LTBP1: variants seen among roughly 807,000 people sequenced by gnomAD.
The protein encoded by LTBP1 is latent transforming growth factor beta binding protein 1.
LTBP1 carries 129 observed loss-of-function variants against 207.6 expected under a neutral mutation model. The ratio of observed to expected loss-of-function variants is 0.62; its 90% confidence interval spans 0.54 to 0.72. The LOEUF is 0.72. Ranked by LOEUF, LTBP1 falls within the 30% of genes least tolerant of loss-of-function variation. The probability of loss-of-function intolerance (pLI) is 0.00; values close to 1 mark genes in which losing one functional copy is unlikely to be tolerated. For missense variants in LTBP1, 2,281 were observed against 2,217.2 expected (o/e 1.03, Z -0.58); for synonymous variants, 963 against 833.7 (o/e 1.16, Z -2.67).
At chr2:33,157,090 AT>A (rs1458012807) in intron 5 of LTBP1, among the ~76,000 whole-genome samples, 9 of 152,270 alleles carry the variant, frequency 5.9e-5, no homozygotes, top group African/African-American at 1.9e-4. Flanking sequence ...GGCAGACATA[AT>A]TTTCCCCCTT....
intron 2 of LTBP1, among the ~76,000 whole-genome samples, chr2:32,997,154 G>A (rs530503221): frequency 3.3e-5 from 5 of 152,182 alleles, no homozygotes; most frequent in Admixed American, 3.3e-4. Context: ...CAAGGTGCTG[G>A]GATTACAGGT....
At chr2:33,307,053 C>T (rs1192768850) in intron 22 of LTBP1, among the ~76,000 whole-genome samples, 1 of 152,056 alleles carries the variant, frequency 6.6e-6, no homozygotes, top group Non-Finnish European at 1.5e-5. Flanking sequence ...CACCGCTGCA[C>T]TCCAGCCTGG....
intron 2 of LTBP1, among the ~76,000 whole-genome samples, chr2:32,980,515 T>C (rs1339109023): frequency 6.6e-6 from 1 of 152,180 alleles, no homozygotes; most frequent in Admixed American, 6.5e-5. Flanking sequence ...TTTTTAACTT[T>C]TTGTAGTTTC....
rs750719026 is a variant in LTBP1 at position 33,257,333 on chromosome 2, C to T, written c.2217C>T (p.Gly739=). Residue 739 remains glycine, a synonymous_variant, in exon 12 of 34, where the codon GGC becomes GGT. Transcript: ENST00000404816. ...CPGGMGYTVS[G]VHRRRPIHHH... ...GTGGAATGGGTTATACGGTTTCTGGCGTTCATAGACGCAGGCCAATCCATC... is the reference window on the plus strand; with the variant it reads ...GTGGAATGGGTTATACGGTTTCTGGTGTTCATAGACGCAGGCCAATCCATC... 46 of 1,614,044 alleles carry T rather than the reference C, an allele frequency of 2.8e-5. No individual in the cohort carries two copies. Among genetic ancestry groups the T allele is most frequent in the South Asian group, 1.6e-4 (15 of 91,082 alleles).
At chr2:33,030,682 T>C (rs2075652185) in intron 3 of LTBP1, among the ~76,000 whole-genome samples, 1 of 152,232 alleles carries the variant, frequency 6.6e-6, no homozygotes, top group South Asian at 2.1e-4. Context: ...TTAGTGACTT[T>C]TATGTGAAAG....
chr2:33,046,953 G>A (rs538053213), intron 3 of LTBP1, among the ~76,000 whole-genome samples: 1 of 151,984 alleles, frequency 6.6e-6, no homozygotes, highest in Non-Finnish European at 1.5e-5. Flanking sequence ...GGGATCATTG[G>A]TGATATCCCT....
At chr2:33,352,622 A>G (rs1404109230) in intron 26 of LTBP1, among the ~76,000 whole-genome samples, 1 of 152,120 alleles carries the variant, frequency 6.6e-6, no homozygotes, top group Non-Finnish European at 1.5e-5. Context: ...TACCTGGATC[A>G]TTGCAGTAGC....
intron 3 of LTBP1, among the ~76,000 whole-genome samples, chr2:33,022,936 A>G (rs559677435): frequency 4.5e-4 from 69 of 152,272 alleles, no homozygotes; most frequent in African/African-American, 1.4e-3. Flanking sequence ...CATAAAAGTT[A>G]TCCTTAACTT....
intron 3 of LTBP1, among the ~76,000 whole-genome samples, chr2:33,043,084 A>C (rs529415499): frequency 6.6e-6 from 1 of 152,318 alleles, no homozygotes; most frequent in Admixed American, 6.5e-5. Context: ...TATAATCCCC[A>C]AACGGCTGTG....
At chr2:33,393,234 C>CTTTTTTTTTTTTTTTTTTTTT (rs569734292) in intron 32 of LTBP1, among the ~76,000 whole-genome samples, 1 of 48,744 alleles carries the variant, frequency 2.1e-5, no homozygotes, top group Admixed American at 2.7e-4. Flanking sequence ...CCTTCTTCTT[C>CTTTTTTTTTTTTTTTTTTTTT]TTTTTTTTTT....
chr2:33,151,157 T>C (rs1040531437), intron 5 of LTBP1, among the ~76,000 whole-genome samples: 22 of 152,218 alleles, frequency 1.4e-4, no homozygotes, highest in African/African-American at 5.3e-4. Flanking sequence ...TGTCGATGTA[T>C]ATATTTAGGT....
At chr2:33,300,324 G>A in intron 20 of LTBP1, 127 bp from the exon 21 acceptor site, 1 of 807,954 alleles carries the variant, frequency 1.2e-6, no homozygotes, top group East Asian at 2.8e-5. Context: ...AAATACTAAA[G>A]TGTGTAGTGC....
chr2:33,024,475 T>C (rs219205), intron 3 of LTBP1, among the ~76,000 whole-genome samples: 71,484 of 151,714 alleles, frequency 0.47, 19,121 homozygotes, highest in East Asian at 0.72. Flanking sequence ...GAGGAACAGC[T>C]AGTTTGGTAA....
chr2:33,332,875 C>A (rs1209101901), intron 24 of LTBP1: 1 of 152,182 alleles, frequency 6.6e-6, no homozygotes, highest in Non-Finnish European at 1.5e-5. Flanking sequence ...AAGGCCATGC[C>A]TGGTTCTGAG....
At chr2:33,241,020 T>TTCATCTAGA (rs1558870325) in intron 9 of LTBP1, among the ~76,000 whole-genome samples, 1 of 152,218 alleles carries the variant, frequency 6.6e-6, no homozygotes, top group Non-Finnish European at 1.5e-5. Flanking sequence ...CATCTAGTTG[T>TTCATCTAGA]ATACTTAAGA....
intron 20 of LTBP1, among the ~76,000 whole-genome samples, chr2:33,299,283 A>T (rs1266984629): frequency 6.6e-6 from 1 of 152,066 alleles, no homozygotes; most frequent in Non-Finnish European, 1.5e-5. Flanking sequence ...GAAACAGGTA[A>T]TTGTCAATAA....
chr2:33,397,656 C>T (rs35639023), intron 33 of LTBP1, among the ~76,000 whole-genome samples: 51,684 of 148,538 alleles, frequency 0.35, 9,911 homozygotes, highest in East Asian at 0.58. Flanking sequence ...TACAGGCACC[C>T]GCCACCACAC....
At chr2:33,061,191 T>G (rs1572442200) in intron 3 of LTBP1, among the ~76,000 whole-genome samples, 1 of 152,194 alleles carries the variant, frequency 6.6e-6, no homozygotes, top group East Asian at 1.9e-4. Flanking sequence ...GATGGATGGA[T>G]GATACTGGTC....
At chr2:33,215,778 GAATCTGGGCTCACTGC>G (rs530062762) in intron 7 of LTBP1, among the ~76,000 whole-genome samples, 50 of 147,978 alleles carry the variant, frequency 3.4e-4, no homozygotes, top group African/African-American at 1.2e-3. Context: ...GTGCAGTGGT[GAATCTGGGCTCACTGC>G]AATCTCTGCC....
Sources: gnomAD v4.1 joint callset for allele counts (sites outside exome capture counted in the v4.1 genomes callset) on GRCh38, gnomAD v4.1.1 for gene constraint, MANE v1.5 for transcripts, NCBI Gene and HGNC (gene_info 2026-07-23, HGNC 2026-07-21) for gene names.